TNPO1: variants seen among roughly 807,000 people sequenced by gnomAD.
TNPO1 encodes the protein transportin 1, also known as transportin-1.
A neutral mutation model predicts 119.5 loss-of-function variants in TNPO1; 8 were observed. The observed-to-expected ratio is 0.07, with a 90% CI of 0.04 to 0.12. The LOEUF is 0.12. TNPO1 is among the 10% of genes least tolerant of loss of function. The pLI, the probability that TNPO1 is intolerant of heterozygous loss-of-function variation, is 1.00. For missense variants in TNPO1, 576 were observed against 1,089.8 expected (o/e 0.53, Z 6.64); for synonymous variants, 362 against 363.0 (o/e 1.00, Z 0.03).
Position 72,911,199 on chromosome 5 carries a change from G to A in TNPO1, c.*2526G>A, listed in dbSNP as rs528854467. 18 of 152,128 alleles carry A rather than the reference G, an allele frequency of 1.2e-4. No homozygotes were observed. The highest frequency in any genetic ancestry group is 1.2e-3 in the Admixed American group (18 of 15,268). The allele number at this position is 152,128 out of a possible 1,614,324, so 9.4% of individuals were successfully genotyped here. A position where few individuals can be genotyped will look rare whatever the true frequency, so the allele number is the denominator to read the frequency against. On this transcript the variant is annotated 3_prime_UTR_variant, in exon 25 of 25. Transcript: ENST00000337273. Reference sequence around the variant, plus strand: ...ATCTTCAGTAAAGTTATTTGAACCTGTGGTTGACAATTCTGTATTGACTAA... The same window carrying A: ...ATCTTCAGTAAAGTTATTTGAACCTATGGTTGACAATTCTGTATTGACTAA...
At chr5:72,886,184 C>T (rs1050409293) in intron 11 of TNPO1, among the ~76,000 whole-genome samples, 2 of 152,084 alleles carry the variant, frequency 1.3e-5, no homozygotes, top group African/African-American at 2.4e-5. Flanking sequence ...GATTTTGTTG[C>T]TCTTGTCTAA....
intron 4 of TNPO1, among the ~76,000 whole-genome samples, chr5:72,860,326 A>T (rs1419074809): frequency 6.6e-6 from 1 of 152,232 alleles, no homozygotes; most frequent in Non-Finnish European, 1.5e-5. Context: ...TAGAATGCAT[A>T]TAATTTGCCT....
intron 13 of TNPO1, 122 bp downstream of exon 13, chr5:72,888,425 A>G (rs1023898201): frequency 1.2e-6 from 1 of 863,522 alleles, no homozygotes; most frequent in African/African-American, 1.7e-5. Context: ...TTTTCCAGTT[A>G]TATCAGAAAG....
intron 7 of TNPO1, among the ~76,000 whole-genome samples, chr5:72,875,111 C>A (rs1279305032): frequency 6.6e-6 from 1 of 152,134 alleles, no homozygotes; most frequent in Non-Finnish European, 1.5e-5. Context: ...TCAGACATTG[C>A]TTTTTACTTG....
At chr5:72,882,570 T>C (rs1378750347) in intron 10 of TNPO1, 43 bp downstream of exon 10, 1 of 1,409,156 alleles carries the variant, frequency 7.1e-7, no homozygotes. Flanking sequence ...GATTTTTATA[T>C]TGACTTAGTA....
intron 23 of TNPO1, among the ~76,000 whole-genome samples, chr5:72,904,719 C>G (rs1179113183): frequency 6.6e-6 from 1 of 152,158 alleles, no homozygotes; most frequent in East Asian, 1.9e-4. Context: ...ATCGCTTGAA[C>G]CCAGGAAGTG....
At chr5:72,896,602 G>GCT (rs778891513) in intron 19 of TNPO1, 46 bp downstream of exon 19, 5 of 1,481,496 alleles carry the variant, frequency 3.4e-6, no homozygotes. Context: ...TGGCGCGGTG[G>GCT]CTCACGCCTG....
In TNPO1 at chr5:72,891,821, G is replaced by A. The variant is rs1749083312; in HGVS notation, c.1713G>A (p.Gln571=). Residue 571 remains glutamine (Q), a synonymous_variant, in exon 15 of 25, where the codon CAG becomes CAA. Coordinates refer to ENST00000337273, the MANE Select transcript of TNPO1 (RefSeq NM_002270.4). ...GHHLNKPEYI[Q]MLMPPLIQKW... ...ATCATTGTAAATAGGAATATATTCA[G>A]ATGCTAATGCCTCCACTGATCCAGA... 6.2e-7 allele frequency: 1 copy of A among 1,607,180 alleles called. No homozygotes were observed. The highest frequency in any genetic ancestry group is 2.2e-5 in the East Asian group (1 of 44,662).
chr5:72,866,064 T>G (rs1746869616), intron 6 of TNPO1, among the ~76,000 whole-genome samples: 1 of 152,246 alleles, frequency 6.6e-6, no homozygotes, highest in South Asian at 2.1e-4. Context: ...TTTTTTTAGC[T>G]TTGATTTTAG....
At chr5:72,890,111 T>C (rs960294260) in intron 14 of TNPO1, among the ~76,000 whole-genome samples, 154 bp downstream of exon 14, 1 of 152,246 alleles carries the variant, frequency 6.6e-6, no homozygotes, top group Non-Finnish European at 1.5e-5. Flanking sequence ...GCAGCAAGTA[T>C]ATCCCCTTTC....
At chr5:72,837,685 A>T (rs1744741478) in intron 1 of TNPO1, among the ~76,000 whole-genome samples, 1 of 152,234 alleles carries the variant, frequency 6.6e-6, no homozygotes, top group South Asian at 2.1e-4. Context: ...GCCATCAGTA[A>T]ACCTGGGTCT....
intron 6 of TNPO1, chr5:72,871,885 G>T (rs2112364618): frequency 6.6e-6 from 1 of 152,258 alleles, no homozygotes; most frequent in East Asian, 1.9e-4. Flanking sequence ...CCCATGACCT[G>T]CAAGGTAAGG....
intron 24 of TNPO1, among the ~76,000 whole-genome samples, chr5:72,906,840 A>G (rs934307059): frequency 6.6e-6 from 1 of 152,240 alleles, no homozygotes; most frequent in African/African-American, 2.4e-5. Context: ...GGGCCAGTAC[A>G]ATAAATATCA....
intron 6 of TNPO1, among the ~76,000 whole-genome samples, chr5:72,872,415 T>G (rs1355859223): frequency 1.3e-5 from 2 of 152,218 alleles, no homozygotes; most frequent in Admixed American, 6.5e-5. Context: ...CTTTCTAACA[T>G]TTTTCAGTTG....
chr5:72,893,358 A>C lies in TNPO1; in HGVS notation c.1897-19A>C, dbSNP rs769076684. 7 of 1,609,878 alleles carry C rather than the reference A, an allele frequency of 4.3e-6. No homozygotes were observed. In the South Asian group the frequency reaches 5.5e-5, roughly 13 times the overall value. On this transcript the variant is annotated intron_variant, in intron 16 of 24. Coordinates refer to ENST00000337273, the MANE Select transcript of TNPO1 (RefSeq NM_002270.4). Reference sequence around the variant, plus strand: ...TTAATTAAAACCAAACTTACAAAAAACATTGTGTCTAATTTCAGCTAAACA... The same window carrying C: ...TTAATTAAAACCAAACTTACAAAAACCATTGTGTCTAATTTCAGCTAAACA...
chr5:72,893,174 A>T lies in TNPO1; in HGVS notation c.1824A>T (p.Gly608=). ...LSSVATALQS[G]FLPYCEPVYQ... ...CAGTTGCCACAGCACTGCAGTCTGG[A>T]TTCCTTCCGTACTGTGAACCTGTGT... Residue 608 remains glycine (G), a synonymous_variant, in exon 16 of 25, where the codon GGA becomes GGT. Coordinates refer to ENST00000337273, the MANE Select transcript of TNPO1 (RefSeq NM_002270.4). 6.2e-7 allele frequency: 1 copy of T among 1,614,110 alleles called. No individual in the cohort carries two copies.
rs781676373 is a variant in TNPO1 at position 72,872,654 on chromosome 5, A to G, written c.612A>G (p.Ala204=). 3 of 1,610,896 alleles carry G rather than the reference A, an allele frequency of 1.9e-6. No individual in the cohort carries two copies. Among genetic ancestry groups the G allele is most frequent in the South Asian group, 1.1e-5 (1 of 90,212 alleles). Residue 204 remains alanine (A), a synonymous_variant, in exon 7 of 25, where the codon GCA becomes GCG. Transcript: ENST00000337273. The stretch of plus-strand genomic sequence containing the variant: ...TTGTTTCTAGGTCTCACGCTGTTGC[A>G]TGTGTCAATCAGTTTATCATCAGTA... ...SSPKIRSHAV[A]CVNQFIISRT...
intron 22 of TNPO1, among the ~76,000 whole-genome samples, chr5:72,902,826 A>T (rs1363143224): frequency 6.6e-6 from 1 of 152,168 alleles, no homozygotes; most frequent in African/African-American, 2.4e-5. Flanking sequence ...GTATCTGTGC[A>T]TTTAAATTTT....
At chr5:72,862,592 G>T (rs912689239) in intron 5 of TNPO1, among the ~76,000 whole-genome samples, 9 of 151,878 alleles carry the variant, frequency 5.9e-5, no homozygotes, top group South Asian at 4.1e-4. Context: ...CTCCCAAAGT[G>T]CTGGGATTAC....
Sources: gnomAD v4.1 joint callset for allele counts (sites outside exome capture counted in the v4.1 genomes callset) on GRCh38, gnomAD v4.1.1 for gene constraint, MANE v1.5 for transcripts, NCBI Gene and HGNC (gene_info 2026-07-23, HGNC 2026-07-21) for gene names.